The following MTCL3 variants were observed in gnomAD, a reference collection of about 807,000 sequenced individuals.
The protein encoded by MTCL3 is MTCL family member 3, also known as microtubule cross-linking factor 3.
chr6:127,495,182 G>A, the MTCL3 span, among the ~76,000 whole-genome samples: 1 of 142,980 alleles, frequency 7.0e-6, no homozygotes, highest in Non-Finnish European at 1.5e-5. Flanking sequence ...GGGCGACAGA[G>A]CATGACTCCA....
the MTCL3 span, chr6:127,483,023 T>C: frequency 6.1e-6 from 9 of 1,475,274 alleles, no homozygotes; most frequent in South Asian, 8.7e-5. Flanking sequence ...GGATAAACTA[T>C]AATTTTAATT....
At chr6:127,516,567 A>T in the MTCL3 span, 3 of 1,597,878 alleles carry the variant, frequency 1.9e-6, no homozygotes, top group Non-Finnish European at 2.5e-6. Flanking sequence ...CGGCGGGAGA[A>T]GCTGCTGCTG....
At chr6:127,486,142 G>A in the MTCL3 span, among the ~76,000 whole-genome samples, 1 of 152,102 alleles carries the variant, frequency 6.6e-6, no homozygotes, top group South Asian at 2.1e-4. Flanking sequence ...ATTAATATAA[G>A]AGCAATGCTG....
At chr6:127,512,850 C>G in the MTCL3 span, 1 of 1,546,586 alleles carries the variant, frequency 6.5e-7, no homozygotes, top group African/African-American at 1.4e-5. Flanking sequence ...TTTTAAAGGG[C>G]TAAAAATACA....
the MTCL3 span, among the ~76,000 whole-genome samples, chr6:127,493,943 C>T: frequency 3.3e-5 from 5 of 152,066 alleles, no homozygotes; most frequent in East Asian, 1.9e-4. Flanking sequence ...AATTCTTTAT[C>T]GTTAAGGAAT....
At chr6:127,478,282 C>A in the MTCL3 span, among the ~76,000 whole-genome samples, 14 of 152,130 alleles carry the variant, frequency 9.2e-5, no homozygotes, top group Non-Finnish European at 1.6e-4. Flanking sequence ...GAGGAGCATT[C>A]CATTTAGATC....
chr6:127,487,558 C>G, the MTCL3 span, among the ~76,000 whole-genome samples: 2 of 152,146 alleles, frequency 1.3e-5, no homozygotes, highest in African/African-American at 4.8e-5. Flanking sequence ...AGAAGTCTTC[C>G]TCTTTTCCTT....
At chr6:127,510,531 T>C in the MTCL3 span, among the ~76,000 whole-genome samples, 1 of 152,238 alleles carries the variant, frequency 6.6e-6, no homozygotes, top group East Asian at 1.9e-4. Context: ...TCCCCTTTAA[T>C]GGAAGTAAAA....
the MTCL3 span, among the ~76,000 whole-genome samples, chr6:127,506,171 A>G: frequency 3.9e-5 from 6 of 152,332 alleles, no homozygotes; most frequent in Admixed American, 3.9e-4. Flanking sequence ...TTCATGGCTA[A>G]TGAAAAAATG....
At chr6:127,498,143 AG>A in the MTCL3 span, among the ~76,000 whole-genome samples, 4 of 152,238 alleles carry the variant, frequency 2.6e-5, no homozygotes. Flanking sequence ...GACACTATTA[AG>A]AAACTAAAAA....
At chr6:127,505,252 A>G in the MTCL3 span, among the ~76,000 whole-genome samples, 1 of 152,210 alleles carries the variant, frequency 6.6e-6, no homozygotes, top group Non-Finnish European at 1.5e-5. Flanking sequence ...TCCTGTGTTA[A>G]AAATGGAATC....
chr6:127,515,945 C>T, the MTCL3 span: 1 of 1,608,660 alleles, frequency 6.2e-7, no homozygotes, highest in Non-Finnish European at 8.5e-7. This position sits in a 1 kb window ranked among gnomAD's most constrained non-coding sequence, Gnocchi z 4.3. Flanking sequence ...GGGGTTTTGC[C>T]CGCAGAAGAG....
At chr6:127,498,771 AG>A in the MTCL3 span, among the ~76,000 whole-genome samples, 1 of 152,230 alleles carries the variant, frequency 6.6e-6, no homozygotes, top group African/African-American at 2.4e-5. Context: ...TACACGCTAC[AG>A]GGATGAACCT....
chr6:127,502,684 T>A, the MTCL3 span, among the ~76,000 whole-genome samples: 9,115 of 152,320 alleles, frequency 0.06, 308 homozygotes, highest in African/African-American at 0.089. Context: ...GAATTGTCTT[T>A]ATTAGCTAAC....
the MTCL3 span, chr6:127,476,079 C>A: frequency 6.2e-7 from 1 of 1,613,838 alleles, no homozygotes; most frequent in East Asian, 2.2e-5. This position sits in a 1 kb window ranked among gnomAD's most constrained non-coding sequence, Gnocchi z 4.4. Flanking sequence ...CCACCAGCTG[C>A]AGGTGCTGCC....
chr6:127,490,282 A>G, the MTCL3 span, among the ~76,000 whole-genome samples: 1 of 152,188 alleles, frequency 6.6e-6, no homozygotes, highest in African/African-American at 2.4e-5. Flanking sequence ...TTGATAATGC[A>G]CTTGGTCAAA....
chr6:127,475,498 G>A, the MTCL3 span: 1 of 1,613,484 alleles, frequency 6.2e-7, no homozygotes, highest in Non-Finnish European at 8.5e-7. The surrounding 1 kb of genome is among the most constrained non-coding windows in gnomAD (Gnocchi z 7.3). Flanking sequence ...GTAGATGCGC[G>A]CCTCGGTGAT....
At chr6:127,495,060 G>C in the MTCL3 span, among the ~76,000 whole-genome samples, 1 of 151,010 alleles carries the variant, frequency 6.6e-6, no homozygotes, top group South Asian at 2.1e-4. Context: ...AGCCGGGCAT[G>C]GTGGTGGACA....
the MTCL3 span, among the ~76,000 whole-genome samples, chr6:127,514,424 G>C: frequency 6.6e-6 from 1 of 152,232 alleles, no homozygotes; most frequent in African/African-American, 2.4e-5. Flanking sequence ...CCCCAGAGGA[G>C]TCCTTTTAGT....
Sources: gnomAD v4.1 joint callset for allele counts (sites outside exome capture counted in the v4.1 genomes callset) on GRCh38, gnomAD v4.1.1 for gene constraint, Gnocchi (gnomAD v3.1) non-coding constraint, MANE v1.5 for transcripts, NCBI Gene and HGNC (gene_info 2026-07-23, HGNC 2026-07-21) for gene names.